Variants in MARCHF3 observed in about 807,000 individuals in gnomAD.
MARCHF3 encodes membrane associated ring-CH-type finger 3.
Under a neutral mutation model 24.2 loss-of-function variants are expected in MARCHF3, and 13 were observed. That is an observed-to-expected ratio of 0.54 (90% CI 0.35 to 0.85). The LOEUF (loss-of-function observed/expected upper bound fraction) is 0.85, where lower values mean the gene tolerates loss of function less well. Among genes scored for constraint, MARCHF3 ranks in the 40% least tolerant of loss-of-function variants. MARCHF3 has a pLI of 0.01. For synonymous variants in MARCHF3, 144 were observed against 137.3 expected (o/e 1.05, Z -0.34); for missense variants, 276 against 325.0 (o/e 0.85, Z 1.16).
At position 126,887,253 on chromosome 5, in the gene MARCHF3, GA is replaced by G. The variant is rs202183510; in HGVS notation, c.394-8860del. ...TCACAGGATCTATGATTTTGAATGG[GA>G]AAAAAAAAATCACATCTTTATTTTC... On this transcript the variant is annotated intron_variant, in intron 3 of 4. Coordinates refer to ENST00000308660, the MANE Select transcript of MARCHF3 (RefSeq NM_178450.5). Among the ~76,000 whole-genome samples, 73 of 148,800 alleles carry G rather than the reference GA, an allele frequency of 4.9e-4. 1 individual carries two copies. Among genetic ancestry groups the G allele is most frequent in the Admixed American group, 8.7e-4 (13 of 15,024 alleles).
intron 1 of MARCHF3, among the ~76,000 whole-genome samples, chr5:127,004,824 A>G (rs1453255297): frequency 2.0e-5 from 3 of 152,130 alleles, no homozygotes; most frequent in Admixed American, 6.5e-5. Flanking sequence ...TATAAAAGGC[A>G]TATTAGAAAA....
At chr5:126,890,126 A>G (rs1398249473) in intron 3 of MARCHF3, among the ~76,000 whole-genome samples, 2 of 152,192 alleles carry the variant, frequency 1.3e-5, no homozygotes, top group South Asian at 4.1e-4. Context: ...TACCAGGTGA[A>G]GACACCTCGC....
intron 3 of MARCHF3, among the ~76,000 whole-genome samples, chr5:126,898,245 T>A (rs991997137): frequency 1.3e-5 from 2 of 152,110 alleles, no homozygotes; most frequent in Non-Finnish European, 2.9e-5. Flanking sequence ...GTTCAAAAAA[T>A]CTGAGACTGG....
At chr5:127,009,321 G>T (rs1752408094) in intron 1 of MARCHF3, among the ~76,000 whole-genome samples, 1 of 152,064 alleles carries the variant, frequency 6.6e-6, no homozygotes, top group Non-Finnish European at 1.5e-5. Context: ...TATTTCTTCA[G>T]AAAAAAGATT....
intron 1 of MARCHF3, among the ~76,000 whole-genome samples, chr5:126,962,126 A>G (rs1369088360): frequency 6.6e-6 from 1 of 152,216 alleles, no homozygotes; most frequent in Non-Finnish European, 1.5e-5. Flanking sequence ...GGTCTATGAC[A>G]TTAACATGAT....
intron 3 of MARCHF3, among the ~76,000 whole-genome samples, chr5:126,888,583 T>C (rs1373837213): frequency 6.6e-6 from 1 of 152,248 alleles, no homozygotes. Flanking sequence ...GGAGATTGCT[T>C]ATCTGAAATA....
chr5:126,898,001 T>C (rs1753983120), intron 3 of MARCHF3, among the ~76,000 whole-genome samples: 1 of 151,902 alleles, frequency 6.6e-6, no homozygotes, highest in African/African-American at 2.4e-5. Context: ...GGCAAATCCA[T>C]AGAGGCTGAA....
At chr5:126,921,584 C>T (rs775099057) in intron 1 of MARCHF3, among the ~76,000 whole-genome samples, 12 of 152,320 alleles carry the variant, frequency 7.9e-5, no homozygotes, top group Admixed American at 2.0e-4. Context: ...GGTTTGCAGT[C>T]GAGCATGGGT....
intron 1 of MARCHF3, among the ~76,000 whole-genome samples, chr5:127,029,435 A>G (rs1753101626): frequency 6.6e-6 from 1 of 152,206 alleles, no homozygotes; most frequent in South Asian, 2.1e-4. Context: ...TTTATTCCGC[A>G]CATAATATAA....
chr5:126,913,648 G>A (rs1331345695), intron 3 of MARCHF3, among the ~76,000 whole-genome samples: 1 of 152,226 alleles, frequency 6.6e-6, no homozygotes, highest in African/African-American at 2.4e-5. Context: ...AGTAAGTTTT[G>A]TGCCATTTGG....
At chr5:126,993,130 A>G (rs1406194711) in intron 1 of MARCHF3, among the ~76,000 whole-genome samples, 1 of 152,164 alleles carries the variant, frequency 6.6e-6, no homozygotes, top group Non-Finnish European at 1.5e-5. Context: ...CAGAAAGACG[A>G]GCCCTCCAAC....
chr5:126,873,065 A>T (rs1753026997), intron 4 of MARCHF3, among the ~76,000 whole-genome samples: 1 of 152,194 alleles, frequency 6.6e-6, no homozygotes, highest in Non-Finnish European at 1.5e-5. Context: ...CTGGATTTCA[A>T]ATCAAGAGTC....
At chr5:126,903,221 T>G (rs1201955427) in intron 3 of MARCHF3, among the ~76,000 whole-genome samples, 3 of 151,956 alleles carry the variant, frequency 2.0e-5, no homozygotes, top group Non-Finnish European at 2.9e-5. Flanking sequence ...GAACCTCAAC[T>G]GTAAATGCAG....
At chr5:126,932,253 G>A (rs1266184260) in intron 1 of MARCHF3, among the ~76,000 whole-genome samples, 1 of 152,238 alleles carries the variant, frequency 6.6e-6, no homozygotes, top group Non-Finnish European at 1.5e-5. Flanking sequence ...GTGAGTACTG[G>A]CTTTTGCCAC....
At chr5:126,890,295 TTA>T (rs1204650995) in intron 3 of MARCHF3, among the ~76,000 whole-genome samples, 3 of 152,144 alleles carry the variant, frequency 2.0e-5, no homozygotes, top group African/African-American at 7.2e-5. Context: ...GTTTTCTTTT[TTA>T]TTATTATACT....
chr5:126,918,942 G>A (rs764639350), intron 1 of MARCHF3, among the ~76,000 whole-genome samples: 29 of 152,142 alleles, frequency 1.9e-4, no homozygotes, highest in Non-Finnish European at 3.8e-4. Context: ...TAATGAACGT[G>A]ACAATAAATA....
intron 1 of MARCHF3, among the ~76,000 whole-genome samples, chr5:126,965,141 G>A: frequency 6.6e-6 from 1 of 151,916 alleles, no homozygotes; most frequent in East Asian, 1.9e-4. Flanking sequence ...TATGGACCAG[G>A]AACATTGCCA....
chr5:126,984,236 G>T (rs926066813), intron 1 of MARCHF3, among the ~76,000 whole-genome samples: 1 of 152,150 alleles, frequency 6.6e-6, no homozygotes, highest in Non-Finnish European at 1.5e-5. Flanking sequence ...TGAGGAGGAA[G>T]GGGGTTGAGG....
chr5:126,890,001 C>A (rs1753629363), intron 3 of MARCHF3, among the ~76,000 whole-genome samples: 1 of 152,088 alleles, frequency 6.6e-6, no homozygotes, highest in Non-Finnish European at 1.5e-5. Flanking sequence ...AGCATCCTCA[C>A]ATCTAGATTA....
Sources: allele counts gnomAD v4.1 joint callset (sites outside exome capture counted in the v4.1 genomes callset), GRCh38; gene constraint gnomAD v4.1.1; transcripts MANE v1.5; gene names NCBI Gene and HGNC (gene_info 2026-07-23, HGNC 2026-07-21).